The following CFAP95 variants were observed in gnomAD, a reference collection of about 807,000 sequenced individuals.
CFAP95 encodes the protein cilia- and flagella-associated protein 95.
the CFAP95 span, among the ~76,000 whole-genome samples, chr9:69,843,144 C>G: frequency 6.6e-6 from 1 of 152,084 alleles, no homozygotes; most frequent in African/African-American, 2.4e-5. Context: ...GCAGGGACTC[C>G]ATTAGACTCA....
chr9:69,850,927 C>T, the CFAP95 span, among the ~76,000 whole-genome samples: 1 of 152,166 alleles, frequency 6.6e-6, no homozygotes, highest in Non-Finnish European at 1.5e-5. Context: ...ACTGAGTGTA[C>T]TTCCCTTGTT....
At chr9:69,845,620 G>T in the CFAP95 span, among the ~76,000 whole-genome samples, 2 of 152,036 alleles carry the variant, frequency 1.3e-5, no homozygotes, top group African/African-American at 4.8e-5. Flanking sequence ...TCTTATAGTT[G>T]CAGTGGACAG....
chr9:69,844,674 T>G, the CFAP95 span: 1 of 1,380,244 alleles, frequency 7.2e-7, no homozygotes, highest in African/African-American at 1.4e-5. Flanking sequence ...TTTGTCATAG[T>G]GAAACATAAA....
At chr9:69,905,640 C>CT in the CFAP95 span, among the ~76,000 whole-genome samples, 20,194 of 151,866 alleles carry the variant, frequency 0.13, 1,836 homozygotes, top group African/African-American at 0.26. Flanking sequence ...TTGTTTTGGT[C>CT]TATATATATG....
chr9:69,821,307 A>G, the CFAP95 span, among the ~76,000 whole-genome samples: 1 of 152,264 alleles, frequency 6.6e-6, no homozygotes, highest in Admixed American at 6.5e-5. Context: ...AGAAATAGAG[A>G]GAGTGGGAGA....
the CFAP95 span, among the ~76,000 whole-genome samples, chr9:69,895,959 C>T: frequency 6.6e-6 from 1 of 152,142 alleles, no homozygotes; most frequent in Non-Finnish European, 1.5e-5. Context: ...CTGCGCCTGG[C>T]CTGGTCTAAC....
chr9:69,856,002 A>G, the CFAP95 span, among the ~76,000 whole-genome samples: 8 of 152,198 alleles, frequency 5.3e-5, no homozygotes, highest in Non-Finnish European at 8.8e-5. Flanking sequence ...TGGAGAAAAT[A>G]TTGAATCCCT....
the CFAP95 span, among the ~76,000 whole-genome samples, chr9:69,884,057 T>A: frequency 6.6e-6 from 1 of 152,166 alleles, no homozygotes; most frequent in Non-Finnish European, 1.5e-5. Context: ...AGTACTGCTT[T>A]CACTGTATCC....
the CFAP95 span, among the ~76,000 whole-genome samples, chr9:69,847,399 G>A: frequency 6.6e-6 from 1 of 152,192 alleles, no homozygotes; most frequent in Admixed American, 6.5e-5. Flanking sequence ...CAGCTAGAAA[G>A]TGTATTAAAA....
chr9:69,856,895 A>G, the CFAP95 span, among the ~76,000 whole-genome samples: 1 of 149,052 alleles, frequency 6.7e-6, no homozygotes, highest in African/African-American at 2.5e-5. Context: ...GGGCCCAGCT[A>G]AAATGCCATT....
chr9:69,853,362 C>T, the CFAP95 span, among the ~76,000 whole-genome samples: 44 of 152,254 alleles, frequency 2.9e-4, no homozygotes, highest in Middle Eastern at 3.4e-3. Context: ...AAAAATAATT[C>T]GTACTCAGGA....
the CFAP95 span, among the ~76,000 whole-genome samples, chr9:69,850,304 A>G: frequency 2.0e-5 from 3 of 152,354 alleles, no homozygotes; most frequent in South Asian, 6.2e-4. Flanking sequence ...GCATTTTTGG[A>G]ACTAACAGGA....
chr9:69,821,655 A>G, the CFAP95 span, among the ~76,000 whole-genome samples: 3 of 152,206 alleles, frequency 2.0e-5, no homozygotes, highest in South Asian at 6.2e-4. Flanking sequence ...TAGGCTACAT[A>G]CAAGAACTTT....
At chr9:69,827,700 C>T in the CFAP95 span, among the ~76,000 whole-genome samples, 2 of 152,174 alleles carry the variant, frequency 1.3e-5, no homozygotes, top group Non-Finnish European at 2.9e-5. Context: ...TGTGGCTGAT[C>T]CTGTTGGTTT....
At chr9:69,821,028 C>G in the CFAP95 span, 4 of 1,612,996 alleles carry the variant, frequency 2.5e-6, no homozygotes, top group Non-Finnish European at 3.4e-6. Flanking sequence ...TTGGTGTATT[C>G]CTGGTGAGCG....
the CFAP95 span, among the ~76,000 whole-genome samples, chr9:69,895,574 G>A: frequency 3.3e-5 from 5 of 151,982 alleles, no homozygotes; most frequent in East Asian, 5.8e-4. Context: ...AAAGACCTTG[G>A]TAGACATTTA....
At chr9:69,841,120 A>G in the CFAP95 span, among the ~76,000 whole-genome samples, 1 of 137,664 alleles carries the variant, frequency 7.3e-6, no homozygotes, top group Non-Finnish European at 1.6e-5. Context: ...GTTTAAAATG[A>G]TAGTTAGACT....
the CFAP95 span, among the ~76,000 whole-genome samples, chr9:69,856,110 G>A: frequency 1.4e-4 from 22 of 152,026 alleles, no homozygotes; most frequent in Non-Finnish European, 2.6e-4. Flanking sequence ...TTTCCACATC[G>A]CAATAATTGC....
At chr9:69,860,930 C>G in the CFAP95 span, among the ~76,000 whole-genome samples, 1 of 152,106 alleles carries the variant, frequency 6.6e-6, no homozygotes, top group Non-Finnish European at 1.5e-5. Flanking sequence ...CTGGATACCT[C>G]CTGTAGGACC....
Sources: gnomAD v4.1 joint callset for allele counts (sites outside exome capture counted in the v4.1 genomes callset) on GRCh38, gnomAD v4.1.1 for gene constraint, MANE v1.5 for transcripts, NCBI Gene and HGNC (gene_info 2026-07-23, HGNC 2026-07-21) for gene names.